The following SETBP1 variants were observed in gnomAD, a reference collection of about 807,000 sequenced individuals.
SETBP1 encodes SET-binding protein.
A neutral mutation model predicts 101.0 loss-of-function variants in SETBP1; 9 were observed. That is an observed-to-expected ratio of 0.09 (90% CI 0.05 to 0.16). The LOEUF (loss-of-function observed/expected upper bound fraction) is 0.16, where lower values mean the gene tolerates loss of function less well. Ranked by LOEUF, SETBP1 falls within the 10% of genes least tolerant of loss-of-function variation. The pLI is 1.00. For synonymous variants in SETBP1, 818 were observed against 788.5 expected (o/e 1.04, Z -0.63); for missense variants, 1,858 against 2,033.8 (o/e 0.91, Z 1.66).
intron 3 of SETBP1, among the ~76,000 whole-genome samples, chr18:44,949,237 C>A (rs1036429131): frequency 6.6e-6 from 1 of 152,190 alleles, no homozygotes; most frequent in African/African-American, 2.4e-5. Flanking sequence ...AGGCTTCATA[C>A]TTCTCTCCTT....
At chr18:44,885,969 A>G (rs1273516205) in intron 3 of SETBP1, among the ~76,000 whole-genome samples, 1 of 151,676 alleles carries the variant, frequency 6.6e-6, no homozygotes, top group African/African-American at 2.4e-5. Context: ...CTAAGTTCTC[A>G]ATGAACTGCA....
intron 4 of SETBP1, among the ~76,000 whole-genome samples, chr18:44,982,477 A>C (rs187096195): frequency 5.3e-5 from 8 of 152,044 alleles, no homozygotes; most frequent in African/African-American, 1.9e-4. Flanking sequence ...TTCGACTTGC[A>C]TTTTTTTCCC....
chr18:44,910,166 C>T (rs752594161), intron 3 of SETBP1, among the ~76,000 whole-genome samples: 29 of 152,122 alleles, frequency 1.9e-4, no homozygotes, highest in Non-Finnish European at 3.4e-4. Flanking sequence ...TTGTTGTTAA[C>T]TGGAGCAGGA....
intron 2 of SETBP1, among the ~76,000 whole-genome samples, chr18:44,741,811 G>T (rs763138040): frequency 1.3e-5 from 2 of 152,124 alleles, no homozygotes; most frequent in Non-Finnish European, 2.9e-5. Flanking sequence ...CACCCCTGAC[G>T]CTTCCTATTT....
intron 3 of SETBP1, among the ~76,000 whole-genome samples, chr18:44,905,519 A>T (rs545453611): frequency 6.6e-6 from 1 of 152,330 alleles, no homozygotes; most frequent in African/African-American, 2.4e-5. Context: ...AATTACCAGT[A>T]CCCAGATTTC....
intron 4 of SETBP1, among the ~76,000 whole-genome samples, chr18:44,981,267 C>A (rs774309294): frequency 6.6e-5 from 10 of 152,196 alleles, no homozygotes; most frequent in Non-Finnish European, 1.5e-4. Flanking sequence ...CTCTCAGGTT[C>A]CAGCAGTTTC....
At chr18:44,770,619 A>G (rs928767125) in intron 2 of SETBP1, among the ~76,000 whole-genome samples, 1 of 152,184 alleles carries the variant, frequency 6.6e-6, no homozygotes, top group Non-Finnish European at 1.5e-5. Context: ...TGCCAGAGCA[A>G]AACATTTTTC....
chr18:44,796,534 T>C (rs2071478802), intron 2 of SETBP1, among the ~76,000 whole-genome samples: 2 of 152,316 alleles, frequency 1.3e-5, no homozygotes, highest in Non-Finnish European at 2.9e-5. Context: ...TGTTAAAAGC[T>C]CTTTATGTGA....
chr18:45,000,948 C>T lies in SETBP1; in HGVS notation c.4001-37537C>T, dbSNP rs541811362. On this transcript the variant is annotated intron_variant, in intron 4 of 5. Transcript: ENST00000649279. ...AGGACAGGATGTATTGAAAGTGGGA[C>T]CCCAACAAAATAGAGGTTGAAACAG... 7.2e-5 allele frequency among the ~76,000 whole-genome samples: 11 copies of T among 152,238 alleles called. No individual in the cohort carries two copies. The East Asian group carries it at 1.7e-3, about 24-fold the overall frequency.
At chr18:44,868,430 C>T (rs1226407091) in intron 2 of SETBP1, among the ~76,000 whole-genome samples, 1 of 151,854 alleles carries the variant, frequency 6.6e-6, no homozygotes, top group Non-Finnish European at 1.5e-5. Flanking sequence ...TGCAGTGGCT[C>T]ACACCTGTAA....
At chr18:44,704,191 ATG>A (rs1302421598) in intron 2 of SETBP1, among the ~76,000 whole-genome samples, 1 of 152,232 alleles carries the variant, frequency 6.6e-6, no homozygotes, top group Non-Finnish European at 1.5e-5. Flanking sequence ...TACCATCGGG[ATG>A]ATTTCAAAGC....
In SETBP1 at chr18:44,997,427, G is replaced by C. The variant is rs544581299; in HGVS notation, c.4001-41058G>C. Among the ~76,000 whole-genome samples the C allele has an allele frequency of 2.6e-5, 4 of 152,294 alleles. No homozygotes were observed. In the South Asian group the frequency reaches 8.3e-4, roughly 32 times the overall value. On this transcript the variant is annotated intron_variant, in intron 4 of 5. Coordinates refer to ENST00000649279, the MANE Select transcript of SETBP1 (RefSeq NM_015559.3). ...TACTGCAGCCCATTGCCAGTGTTATGCTGAGTATTCCTGTGTAACTTTTCT... is the reference window on the plus strand; with the variant it reads ...TACTGCAGCCCATTGCCAGTGTTATCCTGAGTATTCCTGTGTAACTTTTCT...
chr18:44,809,082 G>T (rs370321175), intron 2 of SETBP1, among the ~76,000 whole-genome samples: 1 of 152,154 alleles, frequency 6.6e-6, no homozygotes, highest in East Asian at 1.9e-4. Context: ...TGGAAGGTTC[G>T]TGTGTGGTCA....
intron 4 of SETBP1, among the ~76,000 whole-genome samples, chr18:44,995,529 T>G (rs865793153): frequency 7.0e-6 from 1 of 142,970 alleles, no homozygotes; most frequent in South Asian, 2.3e-4. Flanking sequence ...GTCCAGGCTT[T>G]TGTGTGTGTG....
chr18:44,835,670 C>A (rs777439797), intron 2 of SETBP1, among the ~76,000 whole-genome samples: 19 of 152,178 alleles, frequency 1.2e-4, no homozygotes, highest in Non-Finnish European at 2.4e-4. Context: ...CTCAATGTTT[C>A]TTTCCCATAG....
intron 2 of SETBP1, among the ~76,000 whole-genome samples, chr18:44,743,428 C>A (rs2070144335): frequency 6.6e-6 from 1 of 152,160 alleles, no homozygotes; most frequent in South Asian, 2.1e-4. Context: ...TGAACTGAAT[C>A]GAAAGTAGAA....
intron 2 of SETBP1, among the ~76,000 whole-genome samples, chr18:44,850,909 A>G (rs1007516379): frequency 3.9e-5 from 6 of 152,260 alleles, no homozygotes; most frequent in African/African-American, 1.4e-4. Context: ...AGCCAAGGAG[A>G]GTGCTTAGTT....
At chr18:44,788,748 A>C (rs2071302152) in intron 2 of SETBP1, among the ~76,000 whole-genome samples, 2 of 151,442 alleles carry the variant, frequency 1.3e-5, no homozygotes, top group African/African-American at 4.9e-5. Context: ...ATGTAAGAAC[A>C]ACTCCCCACT....
intron 2 of SETBP1, among the ~76,000 whole-genome samples, chr18:44,706,591 C>CAA (rs1018470585): frequency 0.19 from 3,255 of 16,990 alleles, 1,022 homozygotes; most frequent in Admixed American, 0.29. Context: ...GACTCAATCT[C>CAA]AAAAAAAAAA....
Sources: allele counts gnomAD v4.1 joint callset (sites outside exome capture counted in the v4.1 genomes callset), GRCh38; gene constraint gnomAD v4.1.1; transcripts MANE v1.5; gene names NCBI Gene and HGNC (gene_info 2026-07-23, HGNC 2026-07-21).